Variants in ROBO2 observed in about 807,000 individuals in gnomAD.
The protein encoded by ROBO2 is roundabout guidance receptor 2, also known as roundabout homolog 2.
ROBO2 carries 53 observed loss-of-function variants against 160.8 expected under a neutral mutation model. The observed-to-expected ratio is 0.33, with a 90% CI of 0.26 to 0.41. The LOEUF is 0.41. Ranked by LOEUF, ROBO2 falls within the 10% of genes least tolerant of loss-of-function variation. The pLI is 1.00. For missense variants in ROBO2, 1,577 were observed against 1,722.4 expected (o/e 0.92, Z 1.49); for synonymous variants, 664 against 611.7 (o/e 1.09, Z -1.26).
chr3:76,370,494 A>C (rs1055736513), intron 2 of ROBO2, among the ~76,000 whole-genome samples: 2 of 151,892 alleles, frequency 1.3e-5, no homozygotes, highest in Non-Finnish European at 1.5e-5. Flanking sequence ...CTGCTTAACT[A>C]AATTAGTGGA....
At chr3:76,716,771 GT>G (rs1227663676) in intron 2 of ROBO2, among the ~76,000 whole-genome samples, 1 of 152,166 alleles carries the variant, frequency 6.6e-6, no homozygotes, top group Non-Finnish European at 1.5e-5. Flanking sequence ...CAGATGTTGT[GT>G]GTACTTAAAT....
chr3:77,384,716 A>C (rs753087183), intron 2 of ROBO2, among the ~76,000 whole-genome samples: 1 of 152,220 alleles, frequency 6.6e-6, no homozygotes, highest in Admixed American at 6.5e-5. Context: ...TTTAAAACTC[A>C]TATGACATTT....
intron 2 of ROBO2, among the ~76,000 whole-genome samples, chr3:76,117,751 G>A (rs73842993): frequency 0.015 from 2,305 of 152,128 alleles, 61 homozygotes; most frequent in African/African-American, 0.052. Flanking sequence ...CATTCTAGTG[G>A]GGGAGACAGA....
At chr3:75,938,731 A>G (rs1947905451) in intron 2 of ROBO2, among the ~76,000 whole-genome samples, 1 of 152,158 alleles carries the variant, frequency 6.6e-6, no homozygotes. Context: ...AATGAAATAG[A>G]TATTTTTCAA....
At chr3:76,046,055 A>C (rs779928847) in intron 2 of ROBO2, among the ~76,000 whole-genome samples, 1 of 151,870 alleles carries the variant, frequency 6.6e-6, no homozygotes, top group African/African-American at 2.4e-5. Context: ...TCAAGTCAGA[A>C]ATTGAGTGAT....
chr3:76,550,497 C>T (rs2653476), intron 2 of ROBO2, among the ~76,000 whole-genome samples: 101,803 of 152,182 alleles, frequency 0.67, 34,459 homozygotes, highest in African/African-American at 0.76. Context: ...GTGGCTGGGA[C>T]TGTGTGCTCT....
intron 2 of ROBO2, among the ~76,000 whole-genome samples, chr3:76,429,168 A>G (rs57289126): frequency 0.086 from 12,854 of 149,040 alleles, 1,078 homozygotes; most frequent in East Asian, 0.33. Context: ...CAGTGGGCGC[A>G]CACACACACA....
intron 2 of ROBO2, among the ~76,000 whole-genome samples, chr3:76,858,422 C>T (rs556381164): frequency 1.3e-5 from 2 of 152,198 alleles, no homozygotes; most frequent in East Asian, 1.9e-4. Flanking sequence ...CGCCACCACA[C>T]GTGGCTAATT....
intron 2 of ROBO2, among the ~76,000 whole-genome samples, chr3:77,330,251 C>T (rs2065845145): frequency 6.6e-6 from 1 of 152,194 alleles, no homozygotes. Context: ...GGCACAGTAG[C>T]TCATGCCTGT....
chr3:76,063,296 A>G (rs1247955103), intron 2 of ROBO2, among the ~76,000 whole-genome samples: 2 of 151,584 alleles, frequency 1.3e-5, no homozygotes, highest in Admixed American at 1.3e-4. Flanking sequence ...CACTGAGTCC[A>G]GAGCATAGGC....
chr3:75,986,147 A>G (rs76532779), intron 2 of ROBO2, among the ~76,000 whole-genome samples: 14,968 of 151,478 alleles, frequency 0.099, 1,019 homozygotes, highest in Middle Eastern at 0.2. Flanking sequence ...ATCATTTTAC[A>G]TCCTCACCAA....
At chr3:77,556,495 T>G (rs1169040790) in intron 8 of ROBO2, among the ~76,000 whole-genome samples, 2 of 151,902 alleles carry the variant, frequency 1.3e-5, no homozygotes, top group Non-Finnish European at 2.9e-5. Flanking sequence ...CTAGCTTCAA[T>G]TAAATTTGGT....
chr3:76,595,317 G>C lies in ROBO2; in HGVS notation c.110-502697G>C, dbSNP rs149174624. The stretch of plus-strand genomic sequence containing the variant: ...ACATTTTGGGGGACAATAAAAACTG[G>C]AAAAGCATTTAGAATGTGATGTATG... On this transcript the variant is annotated intron_variant, in intron 2 of 26. Transcript: ENST00000487694. Among the ~76,000 whole-genome samples the C allele has an allele frequency of 5.0e-3, 762 of 151,910 alleles. 4 individuals are homozygous for C. Among genetic ancestry groups the C allele is most frequent in the Non-Finnish European group, 7.3e-3 (499 of 67,902 alleles).
At chr3:77,134,542 A>G (rs556742781) in intron 2 of ROBO2, among the ~76,000 whole-genome samples, 72 of 152,318 alleles carry the variant, frequency 4.7e-4, no homozygotes, top group African/African-American at 1.6e-3. Flanking sequence ...AGAAGTTTCC[A>G]GTGTTGGCAC....
chr3:76,195,381 C>A (rs1391447054), intron 2 of ROBO2, among the ~76,000 whole-genome samples: 1 of 152,088 alleles, frequency 6.6e-6, no homozygotes, highest in Admixed American at 6.6e-5. Context: ...CAAATCTTTG[C>A]AAAACCAGTG....
At chr3:77,577,446 C>T (rs772844868) in intron 14 of ROBO2, 44 bp from the exon 16 acceptor site, 5 of 1,612,624 alleles carry the variant, frequency 3.1e-6, no homozygotes, top group Non-Finnish European at 4.2e-6. Context: ...TGAACGCACA[C>T]CAAGGCTTAT....
At chr3:76,625,743 C>T (rs1001856652) in intron 2 of ROBO2, among the ~76,000 whole-genome samples, 6 of 152,116 alleles carry the variant, frequency 3.9e-5, no homozygotes, top group African/African-American at 1.4e-4. Context: ...GGCATATTAG[C>T]AGGAAGCGCA....
intron 2 of ROBO2, among the ~76,000 whole-genome samples, chr3:76,936,089 A>C (rs2077681063): frequency 6.6e-6 from 1 of 152,212 alleles, no homozygotes; most frequent in African/African-American, 2.4e-5. Context: ...ATACCACAAA[A>C]GTGATTTTGT....
chr3:77,011,538 C>A (rs1343113108), intron 2 of ROBO2, among the ~76,000 whole-genome samples: 1 of 151,826 alleles, frequency 6.6e-6, no homozygotes, highest in African/African-American at 2.4e-5. Context: ...TAAGCATTTA[C>A]AAGTGATTAT....
Sources: allele counts gnomAD v4.1 joint callset (sites outside exome capture counted in the v4.1 genomes callset), GRCh38; gene constraint gnomAD v4.1.1; transcripts MANE v1.5; gene names NCBI Gene and HGNC (gene_info 2026-07-23, HGNC 2026-07-21).